Variants in RNLS observed in about 807,000 individuals in gnomAD.
RNLS encodes renalase, FAD dependent amine oxidase, also known as renalase.
A neutral mutation model predicts 39.8 loss-of-function variants in RNLS; 39 were observed. The observed-to-expected ratio is 0.98, with a 90% CI of 0.76 to 1.28. The LOEUF is 1.28. Among genes scored for constraint, RNLS ranks in the 50% most tolerant of loss-of-function variants. The pLI is 0.00. For missense variants in RNLS, 410 were observed against 413.3 expected (o/e 0.99, Z 0.07); for synonymous variants, 147 against 150.7 (o/e 0.98, Z 0.18).
chr10:88,322,694 T>C (rs1846273025), intron 5 of RNLS, among the ~76,000 whole-genome samples: 1 of 152,132 alleles, frequency 6.6e-6, no homozygotes, highest in Non-Finnish European at 1.5e-5. Flanking sequence ...AGTGTAAAAA[T>C]GGACTAATAC....
At chr10:88,384,186 C>CATAG (rs1851722629) in intron 4 of RNLS, among the ~76,000 whole-genome samples, 1 of 152,162 alleles carries the variant, frequency 6.6e-6, no homozygotes, top group Non-Finnish European at 1.5e-5. Context: ...CAATCCCTGA[C>CATAG]ATAGACTATT....
At chr10:88,371,191 TAAAC>T (rs967808211) in intron 4 of RNLS, among the ~76,000 whole-genome samples, 7 of 152,092 alleles carry the variant, frequency 4.6e-5, no homozygotes, top group African/African-American at 1.4e-4. Flanking sequence ...TAAAAAAAAT[TAAAC>T]AAGATAATAG....
At chr10:88,480,786 T>TG (rs1446735333) in intron 4 of RNLS, among the ~76,000 whole-genome samples, 7 of 107,096 alleles carry the variant, frequency 6.5e-5, no homozygotes, top group Non-Finnish European at 1.1e-4. Context: ...TTCCTGTGTC[T>TG]TTGTGTGTGT....
intron 4 of RNLS, among the ~76,000 whole-genome samples, chr10:88,385,967 T>C (rs2133549543): frequency 6.6e-6 from 1 of 152,368 alleles, no homozygotes; most frequent in Middle Eastern, 3.4e-3. Flanking sequence ...TTTAATAGCC[T>C]GCTTGCACAA....
chr10:88,427,921 C>T (rs566390938), intron 4 of RNLS, among the ~76,000 whole-genome samples: 1 of 151,946 alleles, frequency 6.6e-6, no homozygotes, highest in African/African-American at 2.4e-5. Context: ...GCAGAGACAG[C>T]TTAGATATGC....
rs1841862398 is a variant in RNLS at position 88,443,681 on chromosome 10, T to A, written c.527-80956A>T. ...CAGGAGATTATATCCCGTGCATGGCTTGGAGGGTCCCATGCCCACAGAGCG... is the reference window on the plus strand; with the variant it reads ...CAGGAGATTATATCCCGTGCATGGCATGGAGGGTCCCATGCCCACAGAGCG... On this transcript the variant is annotated intron_variant, in intron 4 of 6. Transcript: ENST00000331772. Among the ~76,000 whole-genome samples, 3 of 152,240 alleles carry A rather than the reference T, an allele frequency of 2.0e-5. No homozygotes were observed. The South Asian group carries it at 6.2e-4, about 32-fold the overall frequency.
At chr10:88,213,292 T>C in the RNLS span, among the ~76,000 whole-genome samples, 3 of 152,046 alleles carry the variant, frequency 2.0e-5, no homozygotes, top group Non-Finnish European at 4.4e-5. Flanking sequence ...AAATTCCTAA[T>C]GCATCTGCTT....
At chr10:88,561,175 A>G (rs1045536237) in intron 4 of RNLS, among the ~76,000 whole-genome samples, 12 of 152,144 alleles carry the variant, frequency 7.9e-5, no homozygotes, top group African/African-American at 2.9e-4. Flanking sequence ...GCAAAGGACC[A>G]AGATGTCATT....
chr10:88,303,026 G>A (rs943496265), intron 6 of RNLS, among the ~76,000 whole-genome samples: 2 of 152,184 alleles, frequency 1.3e-5, no homozygotes, highest in African/African-American at 2.4e-5. Context: ...GAGAAAGCTG[G>A]GAACACTGCA....
intron 5 of RNLS, among the ~76,000 whole-genome samples, chr10:88,324,170 T>C (rs1194412817): frequency 6.6e-6 from 1 of 152,096 alleles, no homozygotes; most frequent in African/African-American, 2.4e-5. Context: ...GAAAACGGTA[T>C]GGAGATTTCA....
At chr10:88,403,031 T>C (rs901162525) in intron 4 of RNLS, among the ~76,000 whole-genome samples, 1 of 151,920 alleles carries the variant, frequency 6.6e-6, no homozygotes, top group Non-Finnish European at 1.5e-5. Flanking sequence ...GACATAACCA[T>C]CAATTTATAG....
chr10:88,461,679 A>G (rs547962658), intron 4 of RNLS, among the ~76,000 whole-genome samples: 1 of 152,102 alleles, frequency 6.6e-6, no homozygotes, highest in Non-Finnish European at 1.5e-5. Context: ...TTCAATCAAG[A>G]TCTTTGTATC....
chr10:88,549,307 C>A (rs1848497588), intron 4 of RNLS, among the ~76,000 whole-genome samples: 1 of 151,654 alleles, frequency 6.6e-6, no homozygotes. Context: ...GCAATTCTAG[C>A]ACTTTGGGAG....
chr10:88,481,692 T>C (rs777675310), intron 4 of RNLS, among the ~76,000 whole-genome samples: 20 of 152,178 alleles, frequency 1.3e-4, no homozygotes, highest in Non-Finnish European at 2.8e-4. Context: ...AACTGCTTTA[T>C]GAAATCCTAT....
rs567085186 is a variant in RNLS, at chr10:88,309,419, C to T, written c.876+5047G>A. The T allele has an allele frequency of 7.8e-6, 10 of 1,289,740 alleles. No homozygotes were observed. In the East Asian group the frequency reaches 1.7e-4, roughly 21 times the overall value. The allele number at this position is 1,289,740 out of a possible 1,614,324, so 79.9% of individuals were successfully genotyped here. A position where few individuals can be genotyped will look rare whatever the true frequency, so the allele number is the denominator to read the frequency against. ...TAATCTCATGAGGGGATAATGTAAA[C>T]GTACGGGTGGTCTCAAGCTCTTCTG... On this transcript the variant is annotated intron_variant, in intron 6 of 6. Transcript: ENST00000331772.
At chr10:88,549,333 T>A (rs1215231737) in intron 4 of RNLS, among the ~76,000 whole-genome samples, 2 of 150,882 alleles carry the variant, frequency 1.3e-5, no homozygotes, top group African/African-American at 4.9e-5. Flanking sequence ...GGAAGGGGGA[T>A]CACTTGAGGC....
In RNLS at chr10:88,443,484, G is replaced by GCACACC. The variant is rs554707733; in HGVS notation, c.527-80765_527-80760dup. Among the ~76,000 whole-genome samples the GCACACC allele has an allele frequency of 7.4e-4, 112 of 152,308 alleles. 1 individual carries two copies. The highest frequency in any genetic ancestry group is 7.0e-3 in the South Asian group (34 of 4,826). Reference sequence around the variant, plus strand: ...CAGTGGGTGCAGGACAGTGGGTGCAGCACACCGAGCGTGAGCCGAAGCAGG... The same window carrying GCACACC: ...CAGTGGGTGCAGGACAGTGGGTGCAGCACACCCACACCGAGCGTGAGCCGAAGCAGG... On this transcript the variant is annotated intron_variant, in intron 4 of 6. Transcript: ENST00000331772.
At chr10:88,264,222 T>C in the RNLS span, among the ~76,000 whole-genome samples, 4 of 152,222 alleles carry the variant, frequency 2.6e-5, no homozygotes, top group East Asian at 7.7e-4. Flanking sequence ...CACTTGTTGA[T>C]TGATGGACAT....
intron 4 of RNLS, among the ~76,000 whole-genome samples, chr10:88,397,959 G>T (rs1852664047): frequency 6.6e-6 from 1 of 151,942 alleles, no homozygotes; most frequent in Admixed American, 6.6e-5. Context: ...ATTTTGACTG[G>T]GGACCAAGAC....
Sources: allele counts gnomAD v4.1 joint callset (sites outside exome capture counted in the v4.1 genomes callset), GRCh38; gene constraint gnomAD v4.1.1; transcripts MANE v1.5; gene names NCBI Gene and HGNC (gene_info 2026-07-23, HGNC 2026-07-21).